The following CALN1 variants were observed in gnomAD, a reference collection of about 807,000 sequenced individuals.
CALN1 encodes calcium-binding protein 8.
Under a neutral mutation model 30.6 loss-of-function variants are expected in CALN1, and 17 were observed. That is an observed-to-expected ratio of 0.56 (90% confidence interval 0.38 to 0.83). The LOEUF is 0.83. CALN1 is among the 40% of genes least tolerant of loss of function. CALN1 has a pLI of 0.00. For synonymous variants in CALN1, 156 were observed against 131.4 expected (o/e 1.19, Z -1.28); for missense variants, 291 against 354.9 (o/e 0.82, Z 1.45).
chr7:72,278,008 C>CG (rs3032250), intron 3 of CALN1, among the ~76,000 whole-genome samples: 1,774 of 48,984 alleles, frequency 0.036, 147 homozygotes, highest in African/African-American at 0.11. Flanking sequence ...TCCTCTATTC[C>CG]GGGGGGGGGG....
chr7:71,788,478 G>GTTTTTTTTTTTTTTTTTTTTTT (rs71092906), intron 6 of CALN1, among the ~76,000 whole-genome samples: 2 of 141,788 alleles, frequency 1.4e-5, no homozygotes, highest in Admixed American at 7.1e-5. Flanking sequence ...TTACTAAGAG[G>GTTTTTTTTTTTTTTTTTTTTTT]TTTTTTTTTG....
intron 4 of CALN1, among the ~76,000 whole-genome samples, chr7:72,030,182 TTAGA>T (rs1801342796): frequency 6.6e-6 from 1 of 152,206 alleles, no homozygotes; most frequent in African/African-American, 2.4e-5. Flanking sequence ...GTCTTGAGCG[TTAGA>T]GTATTGGGAA....
chr7:72,189,065 T>C (rs545560854), intron 3 of CALN1, among the ~76,000 whole-genome samples: 1 of 152,344 alleles, frequency 6.6e-6, no homozygotes, highest in African/African-American at 2.4e-5. Context: ...CCTTGGATGC[T>C]GCTATCCAAA....
chr7:72,042,175 T>C (rs746693647), intron 4 of CALN1, among the ~76,000 whole-genome samples: 1 of 152,092 alleles, frequency 6.6e-6, no homozygotes, highest in African/African-American at 2.4e-5. Flanking sequence ...GGTTAAATTG[T>C]CCAGTGTAAC....
At chr7:72,099,312 G>C (rs1201332564) in intron 4 of CALN1, among the ~76,000 whole-genome samples, 4 of 138,668 alleles carry the variant, frequency 2.9e-5, no homozygotes, top group Admixed American at 1.5e-4. Context: ...CCACATACTA[G>C]TTTGGTGTGA....
intron 4 of CALN1, among the ~76,000 whole-genome samples, chr7:72,078,048 G>A (rs1018668813): frequency 1.3e-5 from 2 of 152,096 alleles, no homozygotes; most frequent in African/African-American, 2.4e-5. Flanking sequence ...TAGCAATCCC[G>A]GCTAATGACT....
intron 5 of CALN1, among the ~76,000 whole-genome samples, chr7:71,916,492 A>G (rs1307038060): frequency 1.3e-5 from 2 of 152,126 alleles, no homozygotes; most frequent in African/African-American, 2.4e-5. Context: ...TGCAACCATA[A>G]AAAGGAATGA....
At chr7:72,264,633 C>T (rs952747364) in intron 3 of CALN1, among the ~76,000 whole-genome samples, 1 of 152,018 alleles carries the variant, frequency 6.6e-6, no homozygotes, top group African/African-American at 2.4e-5. Context: ...CCTGAGTATC[C>T]AAGACCACAG....
intron 3 of CALN1, among the ~76,000 whole-genome samples, chr7:72,216,821 G>A (rs1055593835): frequency 4.6e-5 from 7 of 152,104 alleles, no homozygotes; most frequent in African/African-American, 1.2e-4. Context: ...GCACAATCAC[G>A]GCTTACAGCA....
At position 72,176,606 on chromosome 7, in the gene CALN1, C is replaced by T. The variant is rs568432226; in HGVS notation, c.245-70312G>A. On this transcript the variant is annotated intron_variant, in intron 3 of 6. Coordinates refer to ENST00000395275, the MANE Select transcript of CALN1 (RefSeq NM_031468.4). ...TCCATGACTGGAAGCTTCCTGAGGC[C>T]TCACCAGAAGCAGATGCAGGCATCA... Among the ~76,000 whole-genome samples, 22 of 152,206 alleles carry T rather than the reference C, an allele frequency of 1.4e-4. No individual in the cohort carries two copies. The East Asian group carries it at 2.7e-3, about 19-fold the overall frequency.
chr7:72,352,487 A>G (rs1055812178), intron 2 of CALN1, among the ~76,000 whole-genome samples: 1 of 152,116 alleles, frequency 6.6e-6, no homozygotes, highest in African/African-American at 2.4e-5. Flanking sequence ...AATCAGTAAT[A>G]AGAAGACACC....
intron 2 of CALN1, among the ~76,000 whole-genome samples, chr7:72,392,988 A>G (rs1805674361): frequency 6.6e-6 from 1 of 151,940 alleles, no homozygotes; most frequent in South Asian, 2.1e-4. Context: ...ACACAGCAAG[A>G]CTCTGTCACT....
chr7:72,117,880 C>T lies in CALN1; in HGVS notation c.245-11586G>A, dbSNP rs1433595692. ...GGCTGAGGCAGGAGAATTGCTTGAA[C>T]CCAGGAGGTGGAGGTTGCAGTGAGC... On this transcript the variant is annotated intron_variant, in intron 3 of 6. Transcript: ENST00000395275. Among the ~76,000 whole-genome samples the T allele has an allele frequency of 4.6e-5, 7 of 151,878 alleles. No individual in the cohort carries two copies. In the East Asian group the frequency reaches 1.4e-3, roughly 29 times the overall value.
intron 3 of CALN1, among the ~76,000 whole-genome samples, chr7:72,114,250 A>G (rs1368527429): frequency 2.5e-5 from 1 of 40,708 alleles, no homozygotes; most frequent in Non-Finnish European, 4.4e-5. Flanking sequence ...AGTTGAAGGG[A>G]AGGGAAGGGA....
rs547316091 is a variant in CALN1 at position 71,825,718 on chromosome 7, T to C, written c.502-15226A>G. 1.7e-4 allele frequency among the ~76,000 whole-genome samples: 26 copies of C among 151,848 alleles called. No homozygotes were observed. The South Asian group carries it at 4.6e-3, about 27-fold the overall frequency. On this transcript the variant is annotated intron_variant, in intron 5 of 6. Coordinates refer to ENST00000395275, the MANE Select transcript of CALN1 (RefSeq NM_031468.4). ...AAGAAATGGAAGACTGGTAAAGGTATTGAGAAAATGCAACGTTCAAAGCAG... is the reference window on the plus strand; with the variant it reads ...AAGAAATGGAAGACTGGTAAAGGTACTGAGAAAATGCAACGTTCAAAGCAG...
intron 2 of CALN1, 40 bp downstream of exon 2, chr7:72,403,211 A>T: frequency 6.6e-7 from 1 of 1,510,968 alleles, no homozygotes; most frequent in Non-Finnish European, 8.9e-7. Flanking sequence ...GAGGGCTGCC[A>T]AACAATCTAG....
chr7:71,994,077 T>C (rs1799109569), intron 5 of CALN1, among the ~76,000 whole-genome samples: 1 of 142,016 alleles, frequency 7.0e-6, no homozygotes, highest in Non-Finnish European at 1.5e-5. Flanking sequence ...GTCTCTTGAG[T>C]AATACCCAAC....
chr7:71,801,428 G>GTATGTATCTATCTATCTATC lies in CALN1; in HGVS notation c.658+8907_658+8908insGATAGATAGATAGATACATA, dbSNP rs1461292230. 3.8e-3 allele frequency among the ~76,000 whole-genome samples: 331 copies of GTATGTATCTATCTATCTATC among 87,690 alleles called. 4 individuals are homozygous for GTATGTATCTATCTATCTATC. Among genetic ancestry groups the GTATGTATCTATCTATCTATC allele is most frequent in the Admixed American group, 7.1e-3 (49 of 6,926 alleles). The allele number at this position is 87,690 out of a possible 152,430, so 57.5% of individuals were successfully genotyped here. A position where few individuals can be genotyped will look rare whatever the true frequency, so the allele number is the denominator to read the frequency against. ...TGTATGTATGTATGTATGTATGTAT[G>GTATGTATCTATCTATCTATC]TATCTATCTATCTATCTATCTATCT... is the stretch of plus-strand genomic sequence containing the variant. On this transcript the variant is annotated intron_variant, in intron 6 of 6. Transcript: ENST00000395275.
rs910485646 is a variant in CALN1, at chr7:71,922,944, T to C, written c.501+100713A>G. Among the ~76,000 whole-genome samples, 8 of 148,786 alleles carry C rather than the reference T, an allele frequency of 5.4e-5. No homozygotes were observed. The East Asian group carries it at 1.6e-3, about 29-fold the overall frequency. On this transcript the variant is annotated intron_variant, in intron 5 of 6. Transcript: ENST00000395275. ...TATACAATGTGTGCTTATAGATATA[T>C]GATATGTACATATATAGATCTATGT...
Sources: allele counts gnomAD v4.1 joint callset (sites outside exome capture counted in the v4.1 genomes callset), GRCh38; gene constraint gnomAD v4.1.1; transcripts MANE v1.5; gene names NCBI Gene and HGNC (gene_info 2026-07-23, HGNC 2026-07-21).